Variants in ALOX12B observed in about 807,000 individuals in gnomAD.
ALOX12B encodes the protein arachidonate 12-lipoxygenase, 12R-type.
A neutral mutation model predicts 78.9 loss-of-function variants in ALOX12B; 47 were observed. That is an observed-to-expected ratio of 0.60 (90% CI 0.47 to 0.76). ALOX12B has a LOEUF of 0.76. Among genes scored for constraint, ALOX12B ranks in the 30% least tolerant of loss-of-function variants. ALOX12B has a pLI of 0.00. For synonymous variants in ALOX12B, 370 were observed against 374.5 expected (o/e 0.99, Z 0.14); for missense variants, 805 against 922.6 (o/e 0.87, Z 1.65).
At chr17:8,078,083 T>C (rs539337790) in intron 8 of ALOX12B, among the ~76,000 whole-genome samples, 56 of 152,262 alleles carry the variant, frequency 3.7e-4, no homozygotes, top group African/African-American at 1.3e-3. Flanking sequence ...TTGGGTACTA[T>C]AAGAAATCCA....
intron 2 of ALOX12B, chr17:8,081,651 A>ATT: frequency 1.1e-5 from 2 of 176,446 alleles, no homozygotes; most frequent in South Asian, 1.1e-4. Context: ...ATGTGTACAC[A>ATT]TTTTTTTTTT....
Position 8,086,090 on chromosome 17 carries a change from T to C in ALOX12B, c.278A>G (p.Asn93Ser), listed in dbSNP as rs76178338. The change falls in exon 2 of 15, where the codon AAC becomes AGC. Residue 93 changes from asparagine to serine, a missense_variant. Coordinates refer to ENST00000647874, the MANE Select transcript of ALOX12B (RefSeq NM_001139.3). ...YCNYVQICAP[N>S]GRIYHFPAYQ... ...GGCGGGGAAGTGGTAGATACGGCCG[T>C]TGGGGGCACAGATCTGCACATAGTT... is the stretch of plus-strand genomic sequence containing the variant. 1.9e-6 allele frequency: 3 copies of C among 1,613,876 alleles called. No individual in the cohort carries two copies. The highest frequency in any genetic ancestry group is 1.3e-5 in the African/African-American group (1 of 74,860).
At chr17:8,085,820 A>G (rs1978295118) in intron 2 of ALOX12B, among the ~76,000 whole-genome samples, 196 bp downstream of exon 2, 1 of 152,148 alleles carries the variant, frequency 6.6e-6, no homozygotes, top group African/African-American at 2.4e-5. Context: ...TCTTCCTCCA[A>G]TGTGCAGCCC....
intron 8 of ALOX12B, among the ~76,000 whole-genome samples, chr17:8,077,672 T>C (rs1977116591): frequency 6.6e-6 from 1 of 152,194 alleles, no homozygotes; most frequent in East Asian, 1.9e-4. Flanking sequence ...CACATGACGC[T>C]TGGGGGGACC....
chr17:8,081,077 C>T (rs372947943), intron 3 of ALOX12B, 29 bp downstream of exon 3: 7 of 1,612,866 alleles, frequency 4.3e-6, no homozygotes, highest in Non-Finnish European at 5.9e-6. Context: ...CCCTGCCGGG[C>T]GCCCAGACTC....
At position 8,087,087 on chromosome 17, in the gene ALOX12B, C is replaced by T. The variant is rs542874009; in HGVS notation, c.147+209G>A. On this transcript the variant is annotated intron_variant, in intron 1 of 14. Coordinates refer to ENST00000647874, the MANE Select transcript of ALOX12B (RefSeq NM_001139.3). Reference sequence around the variant, plus strand: ...GGCTGGAAGCCAGCTCTGGACAAGGCGTGTAGAGCCACTGGGGAGCCCACT... The same window carrying T: ...GGCTGGAAGCCAGCTCTGGACAAGGTGTGTAGAGCCACTGGGGAGCCCACT... Among the ~76,000 whole-genome samples, 3 of 152,266 alleles carry T rather than the reference C, an allele frequency of 2.0e-5. No individual in the cohort carries two copies. In the South Asian group the frequency reaches 6.2e-4, roughly 32 times the overall value.
intron 8 of ALOX12B, among the ~76,000 whole-genome samples, chr17:8,078,858 A>G (rs1038158013): frequency 2.0e-5 from 3 of 151,364 alleles, no homozygotes; most frequent in Non-Finnish European, 4.4e-5. Flanking sequence ...CCCAACACAC[A>G]AGAAGATGTG....
At chr17:8,078,576 A>C (rs1977138239) in intron 8 of ALOX12B, among the ~76,000 whole-genome samples, 1 of 151,082 alleles carries the variant, frequency 6.6e-6, no homozygotes, top group Non-Finnish European at 1.5e-5. Context: ...TGCAACATGG[A>C]AGAAAGCGTA....
chr17:8,076,228 C>G lies in ALOX12B; in HGVS notation c.1479G>C (p.Leu493=). 1.9e-6 allele frequency: 3 copies of G among 1,614,160 alleles called. No homozygotes were observed. The highest frequency in any genetic ancestry group is 2.5e-6 in the Non-Finnish European group (3 of 1,180,016). ...NDFVERGVQD[L]PGYYYRDDSL... ...TGTCATCGCGGTAGTAATATCCAGG[C>G]AGGTCCTGGACCCCACGCTCCACAA... is the stretch of plus-strand genomic sequence containing the variant. The change falls in exon 11 of 15, where the codon CTG becomes CTC. Residue 493 remains leucine (L), a synonymous_variant. Transcript: ENST00000647874.
chr17:8,079,727 G>T lies in ALOX12B; in HGVS notation c.927+42C>A, dbSNP rs1450646732. 3 of 1,592,292 alleles carry T rather than the reference G, an allele frequency of 1.9e-6. No homozygotes were observed. Among genetic ancestry groups the T allele is most frequent in the Non-Finnish European group, 2.6e-6 (3 of 1,170,936 alleles). Reference sequence around the variant, plus strand: ...GAGAGACGGGGATGCCCGCGAGGGAGGCCGGGAGGAGGGCCGGGGTCTCCG... The same window carrying T: ...GAGAGACGGGGATGCCCGCGAGGGATGCCGGGAGGAGGGCCGGGGTCTCCG... On this transcript the variant is annotated intron_variant, in intron 7 of 14. Transcript: ENST00000647874. This position sits in a 1 kb window ranked among gnomAD's most constrained non-coding sequence, Gnocchi z 6.4.
At chr17:8,085,982 G>A (rs753158820) in intron 2 of ALOX12B, 34 bp downstream of exon 2, 27 of 1,610,948 alleles carry the variant, frequency 1.7e-5, no homozygotes, top group Admixed American at 1.0e-4. Flanking sequence ...GAGGCCTCAC[G>A]GCCATAGGAT....
In ALOX12B at chr17:8,073,202, G is replaced by A; in HGVS notation, c.1872C>T (p.Thr624=). The change falls in exon 14 of 15, where the codon ACC becomes ACT. Residue 624 remains threonine, a synonymous_variant. Coordinates refer to ENST00000647874, the MANE Select transcript of ALOX12B (RefSeq NM_001139.3). ...AGAGCACCAGCAGCGTGATGCACGT[G>A]GTCTTCACATCCGGCAACGTGTCCA... ...TFMDTLPDVK[T]TCITLLVLWT... 1 of 1,614,184 alleles carries A rather than the reference G, an allele frequency of 6.2e-7. No individual in the cohort carries two copies. The highest frequency in any genetic ancestry group is 8.5e-7 in the Non-Finnish European group (1 of 1,180,034).
chr17:8,087,175 C>T, intron 1 of ALOX12B, 121 bp downstream of exon 1: 1 of 1,427,648 alleles, frequency 7.0e-7, no homozygotes, highest in Non-Finnish European at 9.6e-7. Context: ...ACCTGGCTCC[C>T]CCTGCGCACC....
Position 8,086,169 on chromosome 17 carries a change from T to C in ALOX12B, c.199A>G (p.Ile67Val). The change falls in exon 2 of 15, where the codon ATC becomes GTC. Residue 67 changes from isoleucine (I) to valine (V), a missense_variant. Physicochemically the swap from Ile to Val is conservative, Grantham distance 29 (BLOSUM62 3). Coordinates refer to ENST00000647874, the MANE Select transcript of ALOX12B (RefSeq NM_001139.3). The part of the protein sequence containing the change: ...CPQDLGELII[I>V]RLHKERYAFF... ...GCGTACCGCTCTTTGTGCAGGCGGA[T>C]GATGATGAGCTCACCCAGGTCCTGA... The C allele has an allele frequency of 1.9e-6, 3 of 1,614,116 alleles. No homozygotes were observed. Among genetic ancestry groups the C allele is most frequent in the Non-Finnish European group, 2.5e-6 (3 of 1,179,994 alleles).
rs201543289 is a variant in ALOX12B at position 8,073,764 on chromosome 17, G to C, written c.1655-7C>G. The stretch of plus-strand genomic sequence containing the variant: ...CGCAAGCACCTAGGGAAGCCTGACC[G>C]GCGGGGGAAAAGCCCAGGCGACATC... On this transcript the variant is annotated splice_polypyrimidine_tract_variant and splice_region_variant and intron_variant, in intron 12 of 14. Coordinates refer to ENST00000647874, the MANE Select transcript of ALOX12B (RefSeq NM_001139.3). 1.1e-5 allele frequency: 18 copies of C among 1,612,526 alleles called. No homozygotes were observed. Among genetic ancestry groups the C allele is most frequent in the South Asian group, 6.6e-5 (6 of 90,882 alleles).
Position 8,073,765 on chromosome 17 carries a change from G to T in ALOX12B, c.1655-8C>A. 6.2e-7 allele frequency: 1 copy of T among 1,612,554 alleles called. No individual in the cohort carries two copies. Among genetic ancestry groups the T allele is most frequent in the Non-Finnish European group, 8.5e-7 (1 of 1,178,866 alleles). ...GCAAGCACCTAGGGAAGCCTGACCG[G>T]CGGGGGAAAAGCCCAGGCGACATCA... On this transcript the variant is annotated splice_polypyrimidine_tract_variant and splice_region_variant and intron_variant, in intron 12 of 14. Transcript: ENST00000647874.
At chr17:8,085,140 T>C (rs2151824602) in intron 2 of ALOX12B, among the ~76,000 whole-genome samples, 1 of 152,216 alleles carries the variant, frequency 6.6e-6, no homozygotes, top group East Asian at 1.9e-4. Flanking sequence ...GGTGTCCTGT[T>C]GGGAAAATAG....
Position 8,086,155 on chromosome 17 carries a change from T to C in ALOX12B, c.213A>G (p.Lys71=), listed in dbSNP as rs2151824890. The C allele has an allele frequency of 6.2e-7, 1 of 1,614,116 alleles. No homozygotes were observed. Among genetic ancestry groups the C allele is most frequent in the Non-Finnish European group, 8.5e-7 (1 of 1,180,000 alleles). Reference sequence around the variant, plus strand: ...CCTTGGGGAAGAAGGCGTACCGCTCTTTGTGCAGGCGGATGATGATGAGCT... The same window carrying C: ...CCTTGGGGAAGAAGGCGTACCGCTCCTTGTGCAGGCGGATGATGATGAGCT... ...LGELIIIRLH[K]ERYAFFPKDP... is the part of the protein sequence containing the mutation. Residue 71 remains lysine, a synonymous_variant, in exon 2 of 15, where the codon AAA becomes AAG. Coordinates refer to ENST00000647874, the MANE Select transcript of ALOX12B (RefSeq NM_001139.3).
Position 8,073,304 on chromosome 17 carries a change from G to A in ALOX12B, c.1770C>T (p.Ala590=), listed in dbSNP as rs1224780795. 1 of 1,614,214 alleles carries A rather than the reference G, an allele frequency of 6.2e-7. No homozygotes were observed. Among genetic ancestry groups the A allele is most frequent in the Non-Finnish European group, 8.5e-7 (1 of 1,180,046 alleles). Residue 590 remains alanine, a synonymous_variant, in exon 14 of 15, where the codon GCC becomes GCT. Coordinates refer to ENST00000647874, the MANE Select transcript of ALOX12B (RefSeq NM_001139.3). Reference sequence around the variant, plus strand: ...TGGACGCTGGGAAGTTGGGCATCCAGGCGGTGAACTCCATCTGGAGGTGGG... The same window carrying A: ...TGGACGCTGGGAAGTTGGGCATCCAAGCGGTGAACTCCATCTGGAGGTGGG... The part of the protein sequence containing the change: ...AVNTGQMEFT[A]WMPNFPASMR...
Sources: gnomAD v4.1 joint callset for allele counts (sites outside exome capture counted in the v4.1 genomes callset) on GRCh38, gnomAD v4.1.1 for gene constraint, Gnocchi (gnomAD v3.1) non-coding constraint, MANE v1.5 for transcripts, NCBI Gene and HGNC (gene_info 2026-07-23, HGNC 2026-07-21) for gene names.